The following JAK1 variants were observed in gnomAD, a reference collection of about 807,000 sequenced individuals.
The protein encoded by JAK1 is Janus kinase 1, also known as tyrosine-protein kinase JAK1.
JAK1 carries 16 observed loss-of-function variants against 136.6 expected under a neutral mutation model. The observed-to-expected ratio is 0.12, with a 90% CI of 0.08 to 0.18. JAK1 has a LOEUF of 0.18. JAK1 is among the 10% of genes least tolerant of loss of function. The pLI, the probability that JAK1 is intolerant of heterozygous loss-of-function variation, is 1.00. For synonymous variants in JAK1, 492 were observed against 519.5 expected (o/e 0.95, Z 0.72); for missense variants, 859 against 1,450.1 (o/e 0.59, Z 6.62).
chr1:64,913,575 GA>G (rs1210577752), intron 1 of JAK1, among the ~76,000 whole-genome samples: 1 of 139,448 alleles, frequency 7.2e-6, no homozygotes, highest in African/African-American at 2.6e-5. Context: ...GTATTAAGGA[GA>G]AAAATCAAAC....
intron 1 of JAK1, among the ~76,000 whole-genome samples, chr1:64,933,668 T>C (rs563604260): frequency 2.8e-4 from 43 of 152,334 alleles, no homozygotes; most frequent in African/African-American, 9.4e-4. Flanking sequence ...CTCTACAAAA[T>C]TGTGGTGCCA....
chr1:64,974,871 G>T (rs1646484207), intron 2 of JAK1, among the ~76,000 whole-genome samples: 1 of 151,936 alleles, frequency 6.6e-6, no homozygotes, highest in Admixed American at 6.6e-5. Context: ...TTCTTTTTTT[G>T]TTTTGTTTTG....
At chr1:65,016,021 G>A (rs1171780110) in intron 2 of JAK1, among the ~76,000 whole-genome samples, 1 of 152,224 alleles carries the variant, frequency 6.6e-6, no homozygotes, top group Non-Finnish European at 1.5e-5. Flanking sequence ...ATAAAGAGGA[G>A]TGAAGTTCTG....
chr1:65,001,607 G>A (rs937130548), intron 2 of JAK1, among the ~76,000 whole-genome samples: 1 of 150,954 alleles, frequency 6.6e-6, no homozygotes, highest in South Asian at 2.1e-4. Context: ...GTTTGTGTGC[G>A]TGATATGTGT....
intron 1 of JAK1, among the ~76,000 whole-genome samples, chr1:64,932,303 C>T (rs1011721613): frequency 3.9e-5 from 6 of 152,128 alleles, no homozygotes; most frequent in Non-Finnish European, 7.4e-5. Context: ...ATCCCAGCTA[C>T]TTGGGAGGCT....
chr1:65,010,490 T>C (rs1382172146), intron 2 of JAK1, among the ~76,000 whole-genome samples: 1 of 152,198 alleles, frequency 6.6e-6, no homozygotes, highest in Non-Finnish European at 1.5e-5. Context: ...AGCTTGGAAG[T>C]TGATCCTCCG....
At chr1:65,064,584 G>A (rs1647961332) in intron 1 of JAK1, among the ~76,000 whole-genome samples, 1 of 152,216 alleles carries the variant, frequency 6.6e-6, no homozygotes, top group Non-Finnish European at 1.5e-5. Context: ...GACACTGAGT[G>A]AGATTCAAAG....
intron 2 of JAK1, among the ~76,000 whole-genome samples, chr1:65,021,217 G>A (rs140030963): frequency 2.2e-4 from 33 of 152,274 alleles, no homozygotes; most frequent in Admixed American, 6.5e-4. Flanking sequence ...TCACATGTCC[G>A]TCTGAATCTA....
rs2274945 is a variant in JAK1 at position 64,835,555 on chromosome 1, A to G, written c.3259-49T>C. On this transcript the variant is annotated intron_variant, in intron 23 of 24. Coordinates refer to ENST00000342505, the MANE Select transcript of JAK1 (RefSeq NM_002227.4). The stretch of plus-strand genomic sequence containing the variant: ...AACGTTTAACTTTGCAAGTATTTAC[A>G]TAAATGCCAAACAGATTAAGGTGAA... 0.063 allele frequency: 68,714 copies of G among 1,099,308 alleles called. 2,753 individuals carry two copies. Among genetic ancestry groups the G allele is most frequent in the Admixed American group, 0.15 (7,112 of 46,434 alleles). The allele number at this position is 1,099,308 out of a possible 1,614,324, so 68.1% of individuals were successfully genotyped here.
intron 1 of JAK1, among the ~76,000 whole-genome samples, chr1:64,911,622 C>T (rs1645287508): frequency 6.6e-6 from 1 of 152,218 alleles, no homozygotes; most frequent in Admixed American, 6.5e-5. Context: ...ACCCAATGCC[C>T]TTCCATTAAA....
chr1:64,850,816 C>T lies in JAK1; in HGVS notation c.1743G>A (p.Lys581=). The change falls in exon 12 of 25, where the codon AAG becomes AAA. Residue 581 remains lysine (K), a synonymous_variant. Transcript: ENST00000342505. The stretch of plus-strand genomic sequence containing the variant: ...AGCCGTGACTCACCTGCACCAGATC[C>T]TTCTTGAGGATCCGATCGAAACTCA... ...SQLSFDRILK[K]DLVQGEHLGR... is the part of the protein sequence containing the mutation. 1 of 1,613,814 alleles carries T rather than the reference C, an allele frequency of 6.2e-7. No individual in the cohort carries two copies. The highest frequency in any genetic ancestry group is 8.5e-7 in the Non-Finnish European group (1 of 1,179,700).
intron 1 of JAK1, among the ~76,000 whole-genome samples, chr1:64,949,590 C>T (rs1425322711): frequency 6.6e-6 from 1 of 152,222 alleles, no homozygotes; most frequent in Non-Finnish European, 1.5e-5. Context: ...TTGAAGAAAA[C>T]TGTATCTGCC....
chr1:65,067,308 C>G (rs978806014), intron 1 of JAK1, among the ~76,000 whole-genome samples: 4 of 150,098 alleles, frequency 2.7e-5, no homozygotes, highest in Non-Finnish European at 6.0e-5. Context: ...AGTGCGGATG[C>G]CTAGCGGGCC....
chr1:64,847,766 T>C (rs1655332067), intron 12 of JAK1, 91 bp from the exon 13 acceptor site: 1 of 1,435,170 alleles, frequency 7.0e-7, no homozygotes, highest in Non-Finnish European at 9.5e-7. Flanking sequence ...ACATGGACTA[T>C]CAATGGGATG....
At chr1:64,966,030 C>T (rs1375651836) in intron 1 of JAK1, among the ~76,000 whole-genome samples, 1 of 152,122 alleles carries the variant, frequency 6.6e-6, no homozygotes, top group East Asian at 1.9e-4. Context: ...GCGCTCCGGG[C>T]TTGTTTATGA....
chr1:64,850,928 G>C lies in JAK1; in HGVS notation c.1649-18C>G. ...GGAGATTTCTGTGGAAGAGATTGGG[G>C]GAGTCTGAGCACAGCACCCAAGATC... On this transcript the variant is annotated intron_variant, in intron 11 of 24. Transcript: ENST00000342505. The C allele has an allele frequency of 6.4e-7, 1 of 1,550,924 alleles. No individual in the cohort carries two copies. Among genetic ancestry groups the C allele is most frequent in the Non-Finnish European group, 8.9e-7 (1 of 1,122,754 alleles).
chr1:64,869,881 A>G (rs1270764368), intron 5 of JAK1, among the ~76,000 whole-genome samples: 1 of 152,176 alleles, frequency 6.6e-6, no homozygotes, highest in Non-Finnish European at 1.5e-5. Context: ...CTGGGTGTAC[A>G]GAGTTGATGG....
intron 1 of JAK1, among the ~76,000 whole-genome samples, chr1:65,050,351 C>A (rs1295865394): frequency 6.6e-6 from 1 of 152,172 alleles, no homozygotes; most frequent in East Asian, 1.9e-4. Context: ...GAGATCAGAC[C>A]TAGGCAGGAT....
At chr1:65,053,205 G>A (rs1172800229) in intron 1 of JAK1, among the ~76,000 whole-genome samples, 1 of 149,320 alleles carries the variant, frequency 6.7e-6, no homozygotes, top group Non-Finnish European at 1.5e-5. Flanking sequence ...AAATTAGCCA[G>A]GCATGGTGGC....
Sources: gnomAD v4.1 joint callset for allele counts (sites outside exome capture counted in the v4.1 genomes callset) on GRCh38, gnomAD v4.1.1 for gene constraint, MANE v1.5 for transcripts, NCBI Gene and HGNC (gene_info 2026-07-23, HGNC 2026-07-21) for gene names.